EIF2AK2: variants seen among roughly 807,000 people sequenced by gnomAD.
The protein encoded by EIF2AK2 is eukaryotic translation initiation factor 2 alpha kinase 2, also known as interferon-induced, double-stranded RNA-activated protein kinase.
Under a neutral mutation model 70.5 loss-of-function variants are expected in EIF2AK2, and 40 were observed. That is an observed-to-expected ratio of 0.57 (90% confidence interval 0.44 to 0.74). EIF2AK2 has a LOEUF of 0.74. Ranked by LOEUF, EIF2AK2 falls within the 30% of genes least tolerant of loss-of-function variation. The pLI, the probability that EIF2AK2 is intolerant of heterozygous loss-of-function variation, is 0.00. For synonymous variants in EIF2AK2, 198 were observed against 220.9 expected, an observed-to-expected ratio of 0.90 and a Z score of 0.92; for missense variants, 555 against 644.3, an observed-to-expected ratio of 0.86 and a Z score of 1.50.
At chr2:37,142,278 A>ACAC (rs1353855126) in intron 4 of EIF2AK2, among the ~76,000 whole-genome samples, 1 of 151,966 alleles carries the variant, frequency 6.6e-6, no homozygotes, top group Non-Finnish European at 1.5e-5. Flanking sequence ...CTACAGGCAC[A>ACAC]CACCACCATG....
intron 15 of EIF2AK2, among the ~76,000 whole-genome samples, chr2:37,108,728 C>T (rs1451115104): frequency 1.3e-5 from 2 of 152,146 alleles, no homozygotes; most frequent in Non-Finnish European, 1.5e-5. Flanking sequence ...CACCACCACA[C>T]CCAGCTAATT....
At position 37,125,824 on chromosome 2, in the gene EIF2AK2, A is replaced by G. The variant is rs534621608; in HGVS notation, c.908+465T>C. On this transcript the variant is annotated intron_variant, in intron 11 of 16. Transcript: ENST00000233057. ...ATTTTGGAGCAGTGCCTTATACAATAACAGACAACCAGAGAACAATTACCA... is the reference window on the plus strand; with the variant it reads ...ATTTTGGAGCAGTGCCTTATACAATGACAGACAACCAGAGAACAATTACCA... 2.0e-5 allele frequency among the ~76,000 whole-genome samples: 3 copies of G among 152,380 alleles called. No individual in the cohort carries two copies. The East Asian group carries it at 5.8e-4, about 29-fold the overall frequency.
rs1674063159 is a variant in EIF2AK2, at chr2:37,109,184, A to G, written c.1479+10T>C. Reference sequence around the variant, plus strand: ...TTTCTTGTTTAATTCTTTCTTTGAGATAATTTTACCTTTGATGTTTCAAAA... The same window carrying G: ...TTTCTTGTTTAATTCTTTCTTTGAGGTAATTTTACCTTTGATGTTTCAAAA... On this transcript the variant is annotated intron_variant, in intron 15 of 16. Coordinates refer to ENST00000233057, the MANE Select transcript of EIF2AK2 (RefSeq NM_001135651.3). The G allele has an allele frequency of 1.2e-6, 2 of 1,612,974 alleles. No homozygotes were observed. Among genetic ancestry groups the G allele is most frequent in the African/African-American group, 2.7e-5 (2 of 75,002 alleles).
intron 4 of EIF2AK2, among the ~76,000 whole-genome samples, chr2:37,145,060 A>G (rs1336538764): frequency 6.6e-6 from 1 of 152,010 alleles, no homozygotes; most frequent in Non-Finnish European, 1.5e-5. Flanking sequence ...TTAAAAATAG[A>G]AAAAAGCTTA....
chr2:37,113,904 T>C (rs1674245864), intron 14 of EIF2AK2, among the ~76,000 whole-genome samples: 1 of 152,142 alleles, frequency 6.6e-6, no homozygotes, highest in Non-Finnish European at 1.5e-5. Flanking sequence ...TAAACAGCAA[T>C]TAAGTTTGAA....
chr2:37,146,218 T>TG (rs1225165173), intron 4 of EIF2AK2, among the ~76,000 whole-genome samples: 2 of 152,220 alleles, frequency 1.3e-5, no homozygotes, highest in Non-Finnish European at 2.9e-5. Context: ...ACAGCCTAGG[T>TG]GTGTACTGGT....
In EIF2AK2 at chr2:37,114,761, C is replaced by G; in HGVS notation, c.1347G>C (p.Lys449Asn). Residue 449 changes from lysine (K) to asparagine (N), a missense_variant, in exon 14 of 17, where the codon AAG (lysine) becomes AAC (asparagine). By Grantham distance (94) the Lys-to-Asn change is moderately conservative. Coordinates refer to ENST00000233057, the MANE Select transcript of EIF2AK2 (RefSeq NM_001135651.3). Reference protein sequence around the residue: ...LKNDGKRTRSKGTLRYMSPEQ... With the variant: ...LKNDGKRTRSNGTLRYMSPEQ... Reference sequence around the variant, plus strand: ...CTGGGCTCATGTATCGCAAAGTTCCCTTACTCCTTGTTCGCTTTCCATCAT... The same window carrying G: ...CTGGGCTCATGTATCGCAAAGTTCCGTTACTCCTTGTTCGCTTTCCATCAT... 1 of 1,601,896 alleles carries G rather than the reference C, an allele frequency of 6.2e-7. No homozygotes were observed. The highest frequency in any genetic ancestry group is 8.5e-7 in the Non-Finnish European group (1 of 1,174,728).
At chr2:37,141,069 T>G (rs1030537958) in intron 5 of EIF2AK2, among the ~76,000 whole-genome samples, 6 of 152,246 alleles carry the variant, frequency 3.9e-5, no homozygotes, top group African/African-American at 7.2e-5. Context: ...GGTCTCCTCA[T>G]AGTCTAGGGC....
Position 37,148,923 on chromosome 2 carries a change from C to A in EIF2AK2, c.-83G>T, listed in dbSNP as rs1675650446. 7.3e-6 allele frequency: 6 copies of A among 820,820 alleles called. No individual in the cohort carries two copies. The East Asian group carries it at 1.4e-4, about 20-fold the overall frequency. 50.8% of individuals were successfully genotyped at this position (820,820 alleles called of 1,614,324 possible). A position where few individuals can be genotyped will look rare whatever the true frequency, so the allele number is the denominator to read the frequency against. On this transcript the variant is annotated 5_prime_UTR_variant, in exon 2 of 17. Coordinates refer to ENST00000233057, the MANE Select transcript of EIF2AK2 (RefSeq NM_001135651.3). Reference sequence around the variant, plus strand: ...GAAGTGTGGATGTTGATTCTGAAGACCGCCAGAGAAGCAAACCTGAGTCAG... The same window carrying A: ...GAAGTGTGGATGTTGATTCTGAAGAACGCCAGAGAAGCAAACCTGAGTCAG...
Position 37,122,545 on chromosome 2 carries a change from C to T in EIF2AK2, c.1028G>A (p.Ser343Asn). 1 of 1,614,108 alleles carries T rather than the reference C, an allele frequency of 6.2e-7. No homozygotes were observed. The highest frequency in any genetic ancestry group is 8.5e-7 in the Non-Finnish European group (1 of 1,180,028). ...DPETSDDSLESSDYDPENSKN... is the reference protein window; with the variant it reads ...DPETSDDSLENSDYDPENSKN... ...GCTGTTCTCAGGATCATAATCACTGCTCTCAAGAGAATCATCACTGGTCTC... is the reference window on the plus strand; with the variant it reads ...GCTGTTCTCAGGATCATAATCACTGTTCTCAAGAGAATCATCACTGGTCTC... The change falls in exon 12 of 17, where the codon AGC (serine) becomes AAC (asparagine). Residue 343 changes from serine (S) to asparagine (N), a missense_variant. By Grantham distance (46) the Ser-to-Asn change is conservative (BLOSUM62 1). Coordinates refer to ENST00000233057, the MANE Select transcript of EIF2AK2 (RefSeq NM_001135651.3).
At chr2:37,144,943 G>A (rs1675475699) in intron 4 of EIF2AK2, among the ~76,000 whole-genome samples, 1 of 151,972 alleles carries the variant, frequency 6.6e-6, no homozygotes, top group Admixed American at 6.6e-5. Context: ...CTGGAGTACA[G>A]TGGCACAATC....
intron 14 of EIF2AK2, 180 bp from the exon 15 acceptor site, chr2:37,109,475 CCT>C: frequency 1.8e-6 from 1 of 546,668 alleles, no homozygotes; most frequent in East Asian, 3.0e-5. Flanking sequence ...ATAGCTGAAT[CCT>C]CTGTGTAAAT....
intron 10 of EIF2AK2, among the ~76,000 whole-genome samples, chr2:37,131,325 C>A (rs547068630): frequency 6.6e-6 from 1 of 152,346 alleles, no homozygotes; most frequent in Admixed American, 6.5e-5. Context: ...TCCCTCCAAC[C>A]AGTGGCATAT....
chr2:37,147,069 G>A, intron 3 of EIF2AK2, 96 bp from the exon 4 acceptor site: 1 of 1,225,706 alleles, frequency 8.2e-7, no homozygotes, highest in Non-Finnish European at 1.1e-6. Context: ...GACTACCTTT[G>A]AGGGTTTGAA....
At chr2:37,143,747 G>C (rs1405500422) in intron 4 of EIF2AK2, among the ~76,000 whole-genome samples, 1 of 152,006 alleles carries the variant, frequency 6.6e-6, no homozygotes, top group Non-Finnish European at 1.5e-5. Flanking sequence ...GGCCAGGTGT[G>C]GTGGCTCGTG....
intron 14 of EIF2AK2, among the ~76,000 whole-genome samples, chr2:37,113,793 C>T (rs1249282184): frequency 2.0e-5 from 3 of 152,206 alleles, no homozygotes; most frequent in Non-Finnish European, 4.4e-5. Flanking sequence ...CCTAATTCAA[C>T]ACACTACCCA....
At chr2:37,108,610 C>T (rs560839031) in intron 15 of EIF2AK2, among the ~76,000 whole-genome samples, 1 of 152,278 alleles carries the variant, frequency 6.6e-6, no homozygotes, top group East Asian at 1.9e-4. Context: ...CACTCTGTCA[C>T]CCAGGCTGGA....
At chr2:37,121,617 A>ATTTTTT (rs34031780) in intron 12 of EIF2AK2, among the ~76,000 whole-genome samples, 1 of 122,168 alleles carries the variant, frequency 8.2e-6, no homozygotes, top group African/African-American at 3.0e-5. Flanking sequence ...TGGAGGCTTG[A>ATTTTTT]TTTTTTTTTT....
chr2:37,139,247 G>C (rs968376701), intron 6 of EIF2AK2, among the ~76,000 whole-genome samples: 2 of 151,250 alleles, frequency 1.3e-5, no homozygotes, highest in African/African-American at 2.4e-5. Flanking sequence ...CATGGGAGGC[G>C]GAGGTTGCAG....
Sources: gnomAD v4.1 joint callset for allele counts (sites outside exome capture counted in the v4.1 genomes callset) on GRCh38, gnomAD v4.1.1 for gene constraint, MANE v1.5 for transcripts, NCBI Gene and HGNC (gene_info 2026-07-23, HGNC 2026-07-21) for gene names.